ABCA13: variants seen among roughly 807,000 people sequenced by gnomAD.
ABCA13 encodes ATP binding cassette subfamily A member 13, also known as ATP-binding cassette sub-family A member 13.
A neutral mutation model predicts 478.7 loss-of-function variants in ABCA13; 476 were observed. The ratio of observed to expected loss-of-function variants is 0.99; its 90% CI spans 0.92 to 1.07. The LOEUF is 1.07. ABCA13 is among the 50% of genes least tolerant of loss of function. The pLI is 0.00. For missense variants in ABCA13, 6,060 were observed against 5,910.6 expected (o/e 1.03, Z -0.83); for synonymous variants, 2,252 against 2,158.9 (o/e 1.04, Z -1.20).
chr7:48,325,059 T>G (rs1223969401), intron 27 of ABCA13, among the ~76,000 whole-genome samples: 5 of 152,180 alleles, frequency 3.3e-5, no homozygotes, highest in African/African-American at 1.2e-4. Flanking sequence ...AACAATGTCT[T>G]TTTTACTCTG....
intron 15 of ABCA13, among the ~76,000 whole-genome samples, chr7:48,254,858 T>C (rs896292732): frequency 3.3e-5 from 5 of 152,198 alleles, no homozygotes; most frequent in Non-Finnish European, 5.9e-5. Flanking sequence ...CCTAGTCTTG[T>C]GAGGCTTTTG....
chr7:48,424,347 T>C (rs75079980), intron 41 of ABCA13, among the ~76,000 whole-genome samples: 1,599 of 152,350 alleles, frequency 0.01, 26 homozygotes, highest in African/African-American at 0.036. Flanking sequence ...CACCTTTCGG[T>C]ATAAATAGTG....
rs1458794889 is a variant in ABCA13, at chr7:48,229,851, A to G, written c.659A>G (p.Asp220Gly). The change falls in exon 7 of 62, where the codon GAT (aspartate) becomes GGT (glycine). Residue 220 changes from aspartate to glycine, a missense_variant. By Grantham distance (94) the Asp-to-Gly change is moderately conservative. Coordinates refer to ENST00000435803, the MANE Select transcript of ABCA13 (RefSeq NM_152701.5). ...LNSLISLEDL[D>G]WLPLNQTFSQ... ...TCCTTAATATCCCTAGAAGATTTAG[A>G]TTGGCTTCCACTCAACCAAACTTTT... The G allele has an allele frequency of 6.2e-7, 1 of 1,613,898 alleles. No individual in the cohort carries two copies. Among genetic ancestry groups the G allele is most frequent in the Non-Finnish European group, 8.5e-7 (1 of 1,179,900 alleles).
In ABCA13 at chr7:48,207,331, A is replaced by G. The variant is rs561833561; in HGVS notation, c.287+8971A>G. ...ATTTATACACAGCAGTTGGATTGCT[A>G]GATCACATGGTAGTTTTATTTCTAG... is the stretch of plus-strand genomic sequence containing the variant. On this transcript the variant is annotated intron_variant, in intron 3 of 61. Coordinates refer to ENST00000435803, the MANE Select transcript of ABCA13 (RefSeq NM_152701.5). 3.9e-5 allele frequency among the ~76,000 whole-genome samples: 6 copies of G among 151,920 alleles called. No homozygotes were observed. In the East Asian group the frequency reaches 1.2e-3, roughly 29 times the overall value.
chr7:48,526,526 G>T (rs1832900998), intron 54 of ABCA13, among the ~76,000 whole-genome samples: 1 of 152,132 alleles, frequency 6.6e-6, no homozygotes, highest in Admixed American at 6.6e-5. Context: ...TAACAATGGG[G>T]ATATTGTCTG....
Position 48,627,111 on chromosome 7 carries a change from G to A in ABCA13, c.14837+11734G>A, listed in dbSNP as rs1171896523. 4 of 914,822 alleles carry A rather than the reference G, an allele frequency of 4.4e-6. No individual in the cohort carries two copies. In the African/African-American group the frequency reaches 7.2e-5, roughly 16 times the overall value. The allele number at this position is 914,822 out of a possible 1,614,324, so 56.7% of individuals were successfully genotyped here. On this transcript the variant is annotated intron_variant, in intron 59 of 61. Coordinates refer to ENST00000435803, the MANE Select transcript of ABCA13 (RefSeq NM_152701.5). ...ATTTGCCAAATGCTTTCTGTGCATG[G>A]TCTTATTTAATCTTTATTACGTAAT...
chr7:48,551,144 G>A (rs114179481), intron 55 of ABCA13, among the ~76,000 whole-genome samples: 21,152 of 150,908 alleles, frequency 0.14, 2,012 homozygotes, highest in African/African-American at 0.23. Flanking sequence ...GTTTGTTTTT[G>A]TATTGTTCAT....
chr7:48,429,335 G>C (rs1449321164), intron 42 of ABCA13, among the ~76,000 whole-genome samples: 1 of 152,090 alleles, frequency 6.6e-6, no homozygotes, highest in Non-Finnish European at 1.5e-5. Flanking sequence ...TCAATCATTT[G>C]AGAAACTGCT....
rs1476238493 is a variant in ABCA13, at chr7:48,309,997, A to G, written c.9372A>G (p.Glu3124=). The G allele has an allele frequency of 3.7e-6, 6 of 1,613,814 alleles. No homozygotes were observed. The highest frequency in any genetic ancestry group is 2.2e-5 in the South Asian group (2 of 91,082). ...CTCTGTCTGGAAAGTGTGATCAGGA[A>G]ATCCTTCATCTCCTGCTGACATTTC... is the stretch of plus-strand genomic sequence containing the variant. ...TVALSGKCDQ[E]ILHLLLTFPK... is the part of the protein sequence containing the mutation. Residue 3124 remains glutamate, a synonymous_variant, in exon 24 of 62, where the codon GAA becomes GAG. Transcript: ENST00000435803.
chr7:48,633,715 A>G (rs1251394198), intron 59 of ABCA13, among the ~76,000 whole-genome samples: 3 of 68,864 alleles, frequency 4.4e-5, no homozygotes, highest in Non-Finnish European at 9.2e-5. Context: ...TTTCTCTACT[A>G]AAAAAAAAAA....
chr7:48,441,423 A>G (rs1285312050), intron 42 of ABCA13, among the ~76,000 whole-genome samples: 1 of 152,192 alleles, frequency 6.6e-6, no homozygotes, highest in African/African-American at 2.4e-5. Flanking sequence ...TTCTCTCTAC[A>G]GATGCCATAT....
rs562355620 is a variant in ABCA13 at position 48,406,688 on chromosome 7, T to A, written c.12070+2809T>A. Among the ~76,000 whole-genome samples the A allele has an allele frequency of 4.6e-5, 7 of 151,834 alleles. No homozygotes were observed. The South Asian group carries it at 1.2e-3, about 27-fold the overall frequency. On this transcript the variant is annotated intron_variant, in intron 39 of 61. Transcript: ENST00000435803. ...AGGAGTTCGAGACCATCCTGGCCAA[T>A]ATGATGAAACCCTGTCTCTACTAAA... is the stretch of plus-strand genomic sequence containing the variant.
intron 55 of ABCA13, among the ~76,000 whole-genome samples, chr7:48,540,393 G>T (rs1423905573): frequency 1.3e-5 from 2 of 152,048 alleles, no homozygotes; most frequent in Non-Finnish European, 2.9e-5. Flanking sequence ...ATAATGGTCT[G>T]CAAGTCCCTT....
intron 35 of ABCA13, among the ~76,000 whole-genome samples, chr7:48,384,209 T>C (rs1814818777): frequency 6.6e-6 from 1 of 152,240 alleles, no homozygotes; most frequent in African/African-American, 2.4e-5. Context: ...TGCAGCTTTG[T>C]GAGAATAATC....
chr7:48,452,192 C>T (rs1359805252), intron 42 of ABCA13, among the ~76,000 whole-genome samples: 5 of 152,132 alleles, frequency 3.3e-5, no homozygotes, highest in Non-Finnish European at 5.9e-5. Context: ...ACTATGACTC[C>T]GGGTCAACAT....
intron 34 of ABCA13, among the ~76,000 whole-genome samples, chr7:48,374,680 A>G (rs1290915484): frequency 1.3e-5 from 2 of 152,098 alleles, no homozygotes; most frequent in East Asian, 3.9e-4. Context: ...TCTTCCTTAT[A>G]CCACCCTTGA....
chr7:48,394,787 A>G (rs1414468344), intron 38 of ABCA13, among the ~76,000 whole-genome samples: 1 of 152,172 alleles, frequency 6.6e-6, no homozygotes, highest in Non-Finnish European at 1.5e-5. Flanking sequence ...TGGTGCACCC[A>G]TCGCTTGAGC....
chr7:48,593,176 A>T, intron 57 of ABCA13, among the ~76,000 whole-genome samples: 1 of 145,546 alleles, frequency 6.9e-6, no homozygotes, highest in Admixed American at 6.8e-5. Flanking sequence ...CTTTTCTTTT[A>T]ATTTGATAAT....
rs775920669 is a variant in ABCA13 at position 48,274,008 on chromosome 7, C to G, written c.4342C>G (p.Leu1448Val). 6.2e-7 allele frequency: 1 copy of G among 1,606,898 alleles called. No individual in the cohort carries two copies. The highest frequency in any genetic ancestry group is 8.5e-7 in the Non-Finnish European group (1 of 1,175,114). ...VTWVLNIKKP[L>V]CSSNGSHINC... ...TTGGGTGTTAAATATAAAAAAACCT[C>G]TTTGTTCATCAAATGGCTCACATAT... The change falls in exon 17 of 62, where the codon CTT (leucine) becomes GTT (valine). Residue 1448 changes from leucine to valine, a missense_variant. This residue lies in a region of ABCA13 where 4,423 missense variants were observed against 4,309.1 expected (regional missense o/e 1.03). Transcript: ENST00000435803.
Sources: allele counts gnomAD v4.1 joint callset (sites outside exome capture counted in the v4.1 genomes callset), GRCh38; gene constraint gnomAD v4.1.1; regional missense constraint gnomAD v4.1.1; transcripts MANE v1.5; gene names NCBI Gene and HGNC (gene_info 2026-07-23, HGNC 2026-07-21).